Variants in MEF2A observed in about 807,000 individuals in gnomAD.
MEF2A encodes myocyte enhancer factor 2A.
In MEF2A, 28 loss-of-function variants were observed where a neutral mutation model predicts 55.8. The ratio of observed to expected loss-of-function variants is 0.50; its 90% confidence interval spans 0.37 to 0.69. MEF2A has a LOEUF of 0.69. Among genes scored for constraint, MEF2A ranks in the 30% least tolerant of loss-of-function variants. The pLI is 0.00. For missense variants in MEF2A, 528 were observed against 626.2 expected, an observed-to-expected ratio of 0.84 and a Z score of 1.67; for synonymous variants, 239 against 227.1, an observed-to-expected ratio of 1.05 and a Z score of -0.47.
In MEF2A at chr15:99,592,124, A is replaced by G. The variant is rs189008779; in HGVS notation, c.-224-6306A>G. ...ATAAATTTCTTGCAGACGTGTATGA[A>G]CCTTTTGAGCTTGCTTTTACACTTT... is the stretch of plus-strand genomic sequence containing the variant. On this transcript the variant is annotated intron_variant, in intron 1 of 11. Transcript: ENST00000557942. Among the ~76,000 whole-genome samples the G allele has an allele frequency of 2.2e-3, 339 of 151,300 alleles. 2 individuals are homozygous for G. The highest frequency in any genetic ancestry group is 7.9e-3 in the African/African-American group (327 of 41,200).
intron 8 of MEF2A, among the ~76,000 whole-genome samples, chr15:99,698,171 A>C (rs898153819): frequency 6.6e-6 from 1 of 152,214 alleles, no homozygotes; most frequent in African/African-American, 2.4e-5. Context: ...ATAAAGAAAA[A>C]ACTGATGTAT....
At position 99,712,551 on chromosome 15, in the gene MEF2A, C is replaced by G. The variant is rs1487767106; in HGVS notation, c.1298C>G (p.Pro433Arg). Residue 433 changes from proline to arginine, a missense_variant, in exon 12 of 12, where the codon CCG (proline) becomes CGG (arginine). Around this residue, in one of 2 missense-constraint regions of MEF2A, gnomAD observed 450 missense variants for 475.3 expected, o/e 0.95. Transcript: ENST00000557942. This position sits in a 1 kb window ranked among gnomAD's most constrained non-coding sequence, Gnocchi z 4.1. ...CAGCAGCAGCAGCCGCCGCCACCACCGCAGCCCCAGCCACAACCCCCGCAG... is the reference window on the plus strand; with the variant it reads ...CAGCAGCAGCAGCCGCCGCCACCACGGCAGCCCCAGCCACAACCCCCGCAG... ...QQQQQQPPPP[P>R]QPQPQPPQPQ... The G allele has an allele frequency of 6.5e-7, 1 of 1,550,130 alleles. No homozygotes were observed. Among genetic ancestry groups the G allele is most frequent in the Admixed American group, 2.0e-5 (1 of 50,942 alleles).
chr15:99,577,206 T>G (rs191002151), intron 1 of MEF2A, among the ~76,000 whole-genome samples: 1 of 152,268 alleles, frequency 6.6e-6, no homozygotes, highest in African/African-American at 2.4e-5. Context: ...CTATAAAGCA[T>G]AGTGGAAGGA....
chr15:99,598,805 A>C (rs1972064890), intron 2 of MEF2A, among the ~76,000 whole-genome samples: 1 of 152,002 alleles, frequency 6.6e-6, no homozygotes, highest in South Asian at 2.1e-4. Flanking sequence ...AAGAAAGAAG[A>C]AAAAAAATTA....
At chr15:99,567,180 T>C (rs1242974094) in intron 1 of MEF2A, among the ~76,000 whole-genome samples, 1 of 152,268 alleles carries the variant, frequency 6.6e-6, no homozygotes, top group Non-Finnish European at 1.5e-5. Flanking sequence ...TAACATAGTG[T>C]TAACCTGCGT....
At chr15:99,689,078 C>G (rs530433380) in intron 7 of MEF2A, among the ~76,000 whole-genome samples, 1 of 152,194 alleles carries the variant, frequency 6.6e-6, no homozygotes, top group East Asian at 1.9e-4. Context: ...CAACTAGTAC[C>G]CAAAAGTATT....
At chr15:99,629,646 A>G (rs1281935295) in intron 2 of MEF2A, among the ~76,000 whole-genome samples, 1 of 152,168 alleles carries the variant, frequency 6.6e-6, no homozygotes, top group African/African-American at 2.4e-5. Flanking sequence ...TAACAAAGGC[A>G]AAAGGAGAAA....
chr15:99,689,318 G>A (rs565501951), intron 7 of MEF2A, among the ~76,000 whole-genome samples: 1 of 152,226 alleles, frequency 6.6e-6, no homozygotes, highest in African/African-American at 2.4e-5. Flanking sequence ...ATAAGCTGCA[G>A]TTAAGAAGCT....
intron 3 of MEF2A, among the ~76,000 whole-genome samples, chr15:99,636,158 A>G (rs1317289954): frequency 2.0e-5 from 3 of 151,934 alleles, no homozygotes; most frequent in Non-Finnish European, 4.4e-5. Context: ...TCACTTTTTC[A>G]TATTTTTATT....
chr15:99,631,682 CAT>C (rs1442513705), intron 2 of MEF2A, among the ~76,000 whole-genome samples: 1 of 150,872 alleles, frequency 6.6e-6, no homozygotes, highest in African/African-American at 2.4e-5. Context: ...ATCCTCTGTG[CAT>C]AGTTCAGTGT....
chr15:99,708,814 G>A (rs2058313319), intron 10 of MEF2A, among the ~76,000 whole-genome samples: 1 of 152,188 alleles, frequency 6.6e-6, no homozygotes, highest in South Asian at 2.1e-4. Context: ...GACTCAGCCA[G>A]GCAGAGGAGG....
At chr15:99,677,791 T>C (rs967126586) in intron 7 of MEF2A, among the ~76,000 whole-genome samples, 3 of 152,154 alleles carry the variant, frequency 2.0e-5, no homozygotes, top group Non-Finnish European at 1.5e-5. Flanking sequence ...AACAAAAGAC[T>C]GGAGATGGTG....
intron 2 of MEF2A, among the ~76,000 whole-genome samples, chr15:99,626,769 A>G (rs1340213513): frequency 6.6e-6 from 1 of 152,188 alleles, no homozygotes; most frequent in Non-Finnish European, 1.5e-5. Context: ...AATTTCTGAA[A>G]TTCTGCAAAT....
chr15:99,634,877 CATAAA>C (rs1266936936), intron 3 of MEF2A, among the ~76,000 whole-genome samples: 12 of 152,102 alleles, frequency 7.9e-5, no homozygotes, highest in African/African-American at 2.9e-4. Flanking sequence ...GGAGAAAAGA[CATAAA>C]AGAAATAATT....
At chr15:99,620,768 C>T (rs2041016998) in intron 2 of MEF2A, 1 of 151,902 alleles carries the variant, frequency 6.6e-6, no homozygotes, top group Non-Finnish European at 1.5e-5. Flanking sequence ...AACTGCTGTG[C>T]ACAGTGGCTA....
intron 2 of MEF2A, among the ~76,000 whole-genome samples, chr15:99,621,785 G>A (rs1250442865): frequency 6.6e-6 from 1 of 152,114 alleles, no homozygotes; most frequent in Non-Finnish European, 1.5e-5. Context: ...TGATAGAGAT[G>A]CCTGTTTATT....
In MEF2A at chr15:99,690,321, A is replaced by T. The variant is rs199751824; in HGVS notation, c.751A>T (p.Thr251Ser). 2.4e-5 allele frequency: 38 copies of T among 1,613,644 alleles called. No homozygotes were observed. In the African/African-American group the frequency reaches 5.1e-4, roughly 21 times the overall value. ...AAATAGCTTAGGCAAAGTCATGCCT[A>T]CAAAGTCTCCCCCTCCACCAGGTGG... ...GANSLGKVMPTKSPPPPGGGN... is the reference protein window; with the variant it reads ...GANSLGKVMPSKSPPPPGGGN... Residue 251 changes from threonine to serine, a missense_variant, in exon 8 of 12, where the codon ACA (threonine) becomes TCA (serine). Physicochemically the swap from Thr to Ser is moderately conservative, Grantham distance 58. This residue lies in a region of MEF2A where 450 missense variants were observed against 475.3 expected (regional missense o/e 0.95). Coordinates refer to ENST00000557942, the MANE Select transcript of MEF2A (RefSeq NM_001319206.4).
intron 3 of MEF2A, among the ~76,000 whole-genome samples, chr15:99,643,161 T>C (rs2153465332): frequency 6.6e-6 from 1 of 152,330 alleles, no homozygotes; most frequent in South Asian, 2.1e-4. Flanking sequence ...TAATTTTAGA[T>C]TACGTTACCT....
At chr15:99,663,734 G>T (rs1256463761) in intron 4 of MEF2A, among the ~76,000 whole-genome samples, 1 of 151,952 alleles carries the variant, frequency 6.6e-6, no homozygotes, top group African/African-American at 2.4e-5. Context: ...ATAAATTTTT[G>T]TAAGTTTATT....
Sources: allele counts gnomAD v4.1 joint callset (sites outside exome capture counted in the v4.1 genomes callset), GRCh38; gene constraint gnomAD v4.1.1; regional missense constraint gnomAD v4.1.1; non-coding constraint Gnocchi (gnomAD v3.1); transcripts MANE v1.5; gene names NCBI Gene and HGNC (gene_info 2026-07-23, HGNC 2026-07-21).